Variants in DISP1 observed in about 807,000 individuals in gnomAD.
DISP1 encodes the protein dispatched RND transporter family member 1, also known as protein dispatched homolog 1.
In DISP1, 30 loss-of-function variants were observed where a neutral mutation model predicts 37.3. That is an observed-to-expected ratio of 0.80 (90% CI 0.60 to 1.09). DISP1 has a LOEUF of 1.09. Among genes scored for constraint, DISP1 ranks in the 50% least tolerant of loss-of-function variants. The pLI is 0.00. For missense variants in DISP1, 1,598 were observed against 1,879.5 expected (o/e 0.85, Z 2.77); for synonymous variants, 634 against 690.2 (o/e 0.92, Z 1.28).
intron 2 of DISP1, among the ~76,000 whole-genome samples, chr1:222,929,651 A>G (rs375646153): frequency 6.0e-4 from 91 of 152,186 alleles, no homozygotes; most frequent in African/African-American, 2.1e-3. Context: ...AATAAGCTCT[A>G]AATTTATGAG....
rs1336026539 is a variant in DISP1 at position 222,893,879 on chromosome 1, C to G, written c.-158-34551C>G. 2.6e-5 allele frequency among the ~76,000 whole-genome samples: 4 copies of G among 152,158 alleles called. No individual in the cohort carries two copies. The highest frequency in any genetic ancestry group is 2.6e-4 in the Admixed American group (4 of 15,282). ...TTCAGCAGGTCCTAAGTTCTTGTCC[C>G]GTGTCCAGGAATAATGAGGTACATG... On this transcript the variant is annotated intron_variant, in intron 1 of 8. Transcript: ENST00000675850. The surrounding 1 kb of genome is among the most constrained non-coding windows in gnomAD (Gnocchi z 4.3).
rs539338890 is a variant in DISP1 at position 222,874,819 on chromosome 1, G to C, written c.-158-53611G>C. On this transcript the variant is annotated intron_variant, in intron 1 of 8. Transcript: ENST00000675850. Reference sequence around the variant, plus strand: ...GCTGGTGAGGAGCTGCGTTCCTTTGGAGGAGGAGAGGCGCTCTGATTTTTA... The same window carrying C: ...GCTGGTGAGGAGCTGCGTTCCTTTGCAGGAGGAGAGGCGCTCTGATTTTTA... Among the ~76,000 whole-genome samples the C allele has an allele frequency of 3.2e-4, 48 of 152,228 alleles. 1 individual carries two copies. Among genetic ancestry groups the C allele is most frequent in the African/African-American group, 1.1e-3 (46 of 41,534 alleles).
chr1:222,896,196 C>G (rs1038030662), intron 1 of DISP1, among the ~76,000 whole-genome samples: 18 of 152,140 alleles, frequency 1.2e-4, no homozygotes, highest in African/African-American at 4.3e-4. Context: ...GTGGTCCCAG[C>G]TACCGGTAGG....
intron 1 of DISP1, among the ~76,000 whole-genome samples, chr1:222,854,059 CAT>C (rs1248805421): frequency 2.6e-5 from 4 of 152,072 alleles, no homozygotes; most frequent in African/African-American, 9.7e-5. Flanking sequence ...TGCCTTGAAA[CAT>C]ATAAAATTTG....
intron 2 of DISP1, among the ~76,000 whole-genome samples, chr1:222,936,957 T>C (rs1468374280): frequency 2.0e-5 from 2 of 101,344 alleles, no homozygotes; most frequent in East Asian, 2.4e-4. Context: ...TTACATATTA[T>C]ATTATTTATA....
At chr1:222,965,385 A>G (rs1189423358) in intron 3 of DISP1, among the ~76,000 whole-genome samples, 4 of 152,294 alleles carry the variant, frequency 2.6e-5, no homozygotes, top group African/African-American at 9.6e-5. Context: ...ATATATTATT[A>G]TACTTAATAC....
intron 1 of DISP1, among the ~76,000 whole-genome samples, chr1:222,842,547 G>A (rs1309706485): frequency 1.3e-5 from 2 of 151,970 alleles, no homozygotes; most frequent in South Asian, 2.1e-4. Flanking sequence ...TAGTGACAGC[G>A]ATCCATGTAT....
rs190734354 is a variant in DISP1, at chr1:222,992,155, C to T, written c.889+45C>T. On this transcript the variant is annotated intron_variant, in intron 7 of 8. Coordinates refer to ENST00000675850, the MANE Select transcript of DISP1 (RefSeq NM_001377229.1). ...AACAAACCACTCAGCAGTTTGCTCG[C>T]ATTTAAAATTGAACATGATCACAGT... The T allele has an allele frequency of 1.7e-5, 24 of 1,440,736 alleles. No individual in the cohort carries two copies. In the Admixed American group the frequency reaches 4.0e-4, roughly 24 times the overall value. 89.2% of individuals were successfully genotyped at this position (1,440,736 alleles called of 1,614,324 possible).
Position 222,943,107 on chromosome 1 carries a change from G to A in DISP1, c.284G>A (p.Ser95Asn). Residue 95 changes from serine to asparagine, a missense_variant, in exon 3 of 9, where the codon AGC (serine) becomes AAC (asparagine). Physicochemically the swap from Ser to Asn is conservative, Grantham distance 46 (BLOSUM62 1). Coordinates refer to ENST00000675850, the MANE Select transcript of DISP1 (RefSeq NM_001377229.1). ...TACCATCACCCTTTGACTAGCCATAGCAGTCACCAAGAGTGCCATCCCGAG... is the reference window on the plus strand; with the variant it reads ...TACCATCACCCTTTGACTAGCCATAACAGTCACCAAGAGTGCCATCCCGAG... ...CPYHHPLTSH[S>N]SHQECHPEAG... 2 of 1,614,118 alleles carry A rather than the reference G, an allele frequency of 1.2e-6. No homozygotes were observed. Among genetic ancestry groups the A allele is most frequent in the Non-Finnish European group, 1.7e-6 (2 of 1,180,000 alleles).
chr1:222,934,224 ACTGGT>A (rs1422057380), intron 2 of DISP1, among the ~76,000 whole-genome samples: 2 of 152,034 alleles, frequency 1.3e-5, no homozygotes, highest in Admixed American at 6.6e-5. Flanking sequence ...TTAGAGTCAT[ACTGGT>A]CTGAGATTAA....
chr1:222,846,457 C>T (rs1010596419), intron 1 of DISP1, among the ~76,000 whole-genome samples: 5 of 151,970 alleles, frequency 3.3e-5, no homozygotes, highest in Admixed American at 1.3e-4. Flanking sequence ...TGCCATTGCA[C>T]TCCAGCCTGG....
chr1:222,950,340 G>A (rs373938272), intron 3 of DISP1, among the ~76,000 whole-genome samples: 52 of 152,230 alleles, frequency 3.4e-4, no homozygotes, highest in African/African-American at 1.2e-3. Flanking sequence ...AGTGGCTCAC[G>A]CTGTAATCCC....
At chr1:222,849,376 G>A (rs961570588) in intron 1 of DISP1, among the ~76,000 whole-genome samples, 8 of 152,006 alleles carry the variant, frequency 5.3e-5, no homozygotes. Context: ...ACTCTGAGAA[G>A]AACGAAGTTA....
intron 1 of DISP1, among the ~76,000 whole-genome samples, chr1:222,849,379 C>T (rs1336099472): frequency 1.3e-5 from 2 of 151,998 alleles, no homozygotes; most frequent in Admixed American, 6.6e-5. Context: ...CTGAGAAGAA[C>T]GAAGTTACTT....
chr1:222,976,655 A>G (rs2102668633), intron 3 of DISP1, among the ~76,000 whole-genome samples: 1 of 152,140 alleles, frequency 6.6e-6, no homozygotes, highest in Middle Eastern at 3.4e-3. Flanking sequence ...TGATGAATCT[A>G]TAGTTGTTTC....
chr1:222,974,440 A>AAT (rs1677171719), intron 3 of DISP1, among the ~76,000 whole-genome samples: 1 of 152,216 alleles, frequency 6.6e-6, no homozygotes, highest in Non-Finnish European at 1.5e-5. Flanking sequence ...ATAGTTATTC[A>AAT]ATATATGCTA....
intron 1 of DISP1, among the ~76,000 whole-genome samples, chr1:222,819,844 A>G (rs1188354475): frequency 1.3e-5 from 2 of 151,956 alleles, no homozygotes; most frequent in Non-Finnish European, 2.9e-5. Context: ...CCGAGCTAAT[A>G]TGTTGTATAT....
chr1:222,987,704 G>A (rs990706977), intron 4 of DISP1, among the ~76,000 whole-genome samples: 2 of 152,156 alleles, frequency 1.3e-5, no homozygotes, highest in South Asian at 2.1e-4. Flanking sequence ...TGAATACTAA[G>A]CAATTTGGGG....
intron 1 of DISP1, among the ~76,000 whole-genome samples, chr1:222,912,920 G>T (rs1385931034): frequency 6.6e-6 from 1 of 152,176 alleles, no homozygotes; most frequent in African/African-American, 2.4e-5. Context: ...TGTAATGGGT[G>T]CAAGAATGAA....
Sources: gnomAD v4.1 joint callset for allele counts (sites outside exome capture counted in the v4.1 genomes callset) on GRCh38, gnomAD v4.1.1 for gene constraint, Gnocchi (gnomAD v3.1) non-coding constraint, MANE v1.5 for transcripts, NCBI Gene and HGNC (gene_info 2026-07-23, HGNC 2026-07-21) for gene names.